Variants in CELF2 observed in about 807,000 individuals in gnomAD.
CELF2 encodes the protein CUG triplet repeat RNA-binding protein 2.
In CELF2, 8 loss-of-function variants were observed where a neutral mutation model predicts 62.6. The observed-to-expected ratio is 0.13, with a 90% CI of 0.07 to 0.23. The LOEUF (loss-of-function observed/expected upper bound fraction) is 0.23, where lower values mean the gene tolerates loss of function less well. Ranked by LOEUF, CELF2 falls within the 10% of genes least tolerant of loss-of-function variation. CELF2 has a pLI of 1.00. For missense variants in CELF2, 333 were observed against 671.0 expected (o/e 0.50, Z 5.56); for synonymous variants, 258 against 250.0 (o/e 1.03, Z -0.30).
At chr10:10,877,613 G>A (rs2061188905) in intron 1 of CELF2, among the ~76,000 whole-genome samples, 1 of 152,248 alleles carries the variant, frequency 6.6e-6, no homozygotes, top group African/African-American at 2.4e-5. Flanking sequence ...CTTTAGCTTA[G>A]TGATTTGGGG....
rs2046647499 is a variant in CELF2, at chr10:10,938,322, C to A, written c.89+18323C>A. ...TTTAACAAAGGGCTGAACAGAGCAG[C>A]CAGTCCAAAGACCCAAATACCAAAG... is the stretch of plus-strand genomic sequence containing the variant. On this transcript the variant is annotated intron_variant, in intron 2 of 13. Transcript: ENST00000636488. This position sits in a 1 kb window ranked among gnomAD's most constrained non-coding sequence, Gnocchi z 4.2. 6.6e-6 allele frequency among the ~76,000 whole-genome samples: 1 copy of A among 152,158 alleles called. No individual in the cohort carries two copies. Among genetic ancestry groups the A allele is most frequent in the Non-Finnish European group, 1.5e-5 (1 of 68,038 alleles).
chr10:10,900,269 CAAGAA>C (rs1173354956), intron 1 of CELF2, among the ~76,000 whole-genome samples: 1 of 152,088 alleles, frequency 6.6e-6, no homozygotes, highest in Non-Finnish European at 1.5e-5. Flanking sequence ...AAGGGTGCTA[CAAGAA>C]AAGAAAACTA....
intron 2 of CELF2, among the ~76,000 whole-genome samples, chr10:10,943,193 C>T (rs111632931): frequency 6.6e-6 from 1 of 152,282 alleles, no homozygotes; most frequent in African/African-American, 2.4e-5. Flanking sequence ...CAACTGATGT[C>T]ATCTGAATAA....
intron 2 of CELF2, among the ~76,000 whole-genome samples, chr10:11,179,090 A>G (rs767272970): frequency 6.6e-6 from 1 of 152,252 alleles, no homozygotes; most frequent in South Asian, 2.1e-4. Flanking sequence ...TTGCTGATCA[A>G]GTCTTGAAAT....
intron 1 of CELF2, among the ~76,000 whole-genome samples, chr10:11,138,628 C>T (rs927509): frequency 0.056 from 8,500 of 152,224 alleles, 286 homozygotes; most frequent in African/African-American, 0.087. Flanking sequence ...TACTGCCAAA[C>T]GTTTACTTTT....
At chr10:11,185,359 T>A (rs2074577195) in intron 2 of CELF2, among the ~76,000 whole-genome samples, 1 of 152,086 alleles carries the variant, frequency 6.6e-6, no homozygotes, top group African/African-American at 2.4e-5. Flanking sequence ...GATTTGGATA[T>A]TGAGCCAACC....
At chr10:11,115,700 A>G (rs1317813937) in intron 1 of CELF2, among the ~76,000 whole-genome samples, 2 of 152,266 alleles carry the variant, frequency 1.3e-5, no homozygotes, top group Non-Finnish European at 2.9e-5. Flanking sequence ...ACAGAACTAC[A>G]GAGGAAAAAC....
the CELF2 span, among the ~76,000 whole-genome samples, chr10:10,605,447 A>C: frequency 6.6e-6 from 1 of 152,240 alleles, no homozygotes; most frequent in African/African-American, 2.4e-5. Flanking sequence ...AGTAATAAAA[A>C]CATAACTCCT....
chr10:10,903,019 G>A (rs2063057825), intron 1 of CELF2, among the ~76,000 whole-genome samples: 1 of 152,012 alleles, frequency 6.6e-6, no homozygotes, highest in South Asian at 2.1e-4. Context: ...AGAAAGGAGA[G>A]AGCTTGAAAG....
chr10:10,748,179 A>G, the CELF2 span, among the ~76,000 whole-genome samples: 14 of 152,164 alleles, frequency 9.2e-5, no homozygotes, highest in Non-Finnish European at 1.6e-4. Context: ...TAGGGTGACT[A>G]TAATTAACAA....
intron 3 of CELF2, among the ~76,000 whole-genome samples, chr10:11,234,396 G>C (rs1015648162): frequency 4.6e-5 from 7 of 152,158 alleles, no homozygotes; most frequent in African/African-American, 1.7e-4. Context: ...AAAAATTCAA[G>C]TTCTGGCTGG....
chr10:10,518,743 A>G, the CELF2 span, among the ~76,000 whole-genome samples: 1 of 149,626 alleles, frequency 6.7e-6, no homozygotes, highest in African/African-American at 2.5e-5. Flanking sequence ...AAATGGCTTC[A>G]TAGTCAAAGA....
chr10:11,165,767 G>A lies in CELF2; in HGVS notation c.271+85G>A, dbSNP rs1596468116. 7 of 1,306,726 alleles carry A rather than the reference G, an allele frequency of 5.4e-6. No homozygotes were observed. The East Asian group carries it at 1.8e-4, about 33-fold the overall frequency. The allele number at this position is 1,306,726 out of a possible 1,614,324, so 80.9% of individuals were successfully genotyped here. A position where few individuals can be genotyped will look rare whatever the true frequency, so the allele number is the denominator to read the frequency against. On this transcript the variant is annotated intron_variant, in intron 2 of 12. Transcript: ENST00000633077. The surrounding 1 kb of genome is among the most constrained non-coding windows in gnomAD (Gnocchi z 7.4). ...CTGTCCGAGCCCCCAGCCTGCAGGA[G>A]GAAGGGCGGGTAGGCAGGAGGGCTG...
the CELF2 span, among the ~76,000 whole-genome samples, chr10:10,463,372 T>C: frequency 1.3e-5 from 2 of 152,202 alleles, no homozygotes; most frequent in Admixed American, 6.5e-5. Flanking sequence ...AACCAGATTT[T>C]CTTACTACCT....
the CELF2 span, among the ~76,000 whole-genome samples, chr10:10,566,303 T>C: frequency 2.0e-5 from 3 of 150,332 alleles, no homozygotes; most frequent in Non-Finnish European, 3.0e-5. Flanking sequence ...ACAGCAAACA[T>C]GCAGGAAAAA....
intron 1 of CELF2, among the ~76,000 whole-genome samples, chr10:10,855,598 C>CA (rs904734593): frequency 1.3e-5 from 2 of 152,200 alleles, no homozygotes; most frequent in Non-Finnish European, 2.9e-5. Context: ...TCTGACATAA[C>CA]AAAGAAAGAG....
At chr10:10,788,257 CT>C in the CELF2 span, among the ~76,000 whole-genome samples, 4 of 150,596 alleles carry the variant, frequency 2.7e-5, no homozygotes, top group South Asian at 2.1e-4. Flanking sequence ...AAAATAGGAC[CT>C]TTTTTTTTCT....
At chr10:10,559,114 C>T in the CELF2 span, among the ~76,000 whole-genome samples, 68,758 of 151,982 alleles carry the variant, frequency 0.45, 16,899 homozygotes, top group African/African-American at 0.65. Flanking sequence ...CTGGCATTTA[C>T]ACTTTTCATT....
chr10:10,788,421 T>C, the CELF2 span, among the ~76,000 whole-genome samples: 2 of 149,524 alleles, frequency 1.3e-5, no homozygotes, highest in Non-Finnish European at 3.0e-5. Flanking sequence ...ATTGTACCAA[T>C]AATTGTATTA....
Sources: gnomAD v4.1 joint callset for allele counts (sites outside exome capture counted in the v4.1 genomes callset) on GRCh38, gnomAD v4.1.1 for gene constraint, Gnocchi (gnomAD v3.1) non-coding constraint, MANE v1.5 for transcripts, NCBI Gene and HGNC (gene_info 2026-07-23, HGNC 2026-07-21) for gene names.